Variants in CTNNBL1 observed in about 807,000 individuals in gnomAD.
CTNNBL1 encodes beta-catenin-like protein 1.
In CTNNBL1, 31 loss-of-function variants were observed where a neutral mutation model predicts 72.7. The observed-to-expected ratio is 0.43, with a 90% CI of 0.32 to 0.58. CTNNBL1 has a LOEUF of 0.58. Ranked by LOEUF, CTNNBL1 falls within the 20% of genes least tolerant of loss-of-function variation. The probability of loss-of-function intolerance (pLI) is 0.08; values close to 1 mark genes in which losing one functional copy is unlikely to be tolerated. For synonymous variants in CTNNBL1, 240 were observed against 267.3 expected (o/e 0.90, Z 1.00); for missense variants, 534 against 725.1 (o/e 0.74, Z 3.03).
chr20:37,718,946 C>T (rs1386251924), intron 1 of CTNNBL1, among the ~76,000 whole-genome samples: 3 of 152,134 alleles, frequency 2.0e-5, no homozygotes, highest in Admixed American at 2.0e-4. Flanking sequence ...GATTCCAGGC[C>T]CAGTTCTATG....
chr20:37,770,128 C>T (rs1016706970), intron 7 of CTNNBL1, among the ~76,000 whole-genome samples: 1 of 152,336 alleles, frequency 6.6e-6, no homozygotes, highest in East Asian at 1.9e-4. Flanking sequence ...AGTCTTGCAT[C>T]CAGCAAGTAG....
At chr20:37,858,917 G>A (rs2072465901) in intron 13 of CTNNBL1, among the ~76,000 whole-genome samples, 1 of 152,112 alleles carries the variant, frequency 6.6e-6, no homozygotes, top group African/African-American at 2.4e-5. Context: ...ATGTACGCAA[G>A]TTGGGTGCCT....
intron 10 of CTNNBL1, among the ~76,000 whole-genome samples, chr20:37,800,424 A>G (rs1207037218): frequency 6.6e-6 from 1 of 151,824 alleles, no homozygotes; most frequent in Non-Finnish European, 1.5e-5. Flanking sequence ...CTGCCCTACC[A>G]CTGCTCTCTG....
At chr20:37,814,457 C>T (rs2072037394) in intron 11 of CTNNBL1, among the ~76,000 whole-genome samples, 1 of 152,176 alleles carries the variant, frequency 6.6e-6, no homozygotes, top group African/African-American at 2.4e-5. Context: ...CCCAGCACTG[C>T]TCAACCTTCA....
At chr20:37,750,499 T>G (rs2073309298) in intron 4 of CTNNBL1, 1 of 152,228 alleles carries the variant, frequency 6.6e-6, no homozygotes, top group Non-Finnish European at 1.5e-5. Flanking sequence ...TTAGAGTGTT[T>G]CTATGGAAAA....
rs567526993 is a variant in CTNNBL1, at chr20:37,784,569, CT to C, written c.1031+5236del. On this transcript the variant is annotated intron_variant, in intron 10 of 15. Transcript: ENST00000361383. ...CCCATTATTTTAAACTGATGACAGG[CT>C]TAACACTGATTGCAGAAACAAACTG... Among the ~76,000 whole-genome samples the C allele has an allele frequency of 9.9e-5, 15 of 152,258 alleles. No homozygotes were observed. In the East Asian group the frequency reaches 2.9e-3, roughly 29 times the overall value.
intron 7 of CTNNBL1, among the ~76,000 whole-genome samples, chr20:37,769,717 G>A (rs1441327492): frequency 1.3e-5 from 2 of 152,156 alleles, no homozygotes; most frequent in Non-Finnish European, 2.9e-5. Context: ...TGGCCCTCAG[G>A]CAGGCAAGGA....
At chr20:37,839,049 C>T (rs757885905) in intron 11 of CTNNBL1, among the ~76,000 whole-genome samples, 2 of 151,926 alleles carry the variant, frequency 1.3e-5, no homozygotes, top group African/African-American at 4.8e-5. Flanking sequence ...GGACAAGATG[C>T]GATTACCAGG....
intron 11 of CTNNBL1, among the ~76,000 whole-genome samples, chr20:37,820,455 T>C (rs929294651): frequency 6.6e-6 from 1 of 152,176 alleles, no homozygotes; most frequent in Non-Finnish European, 1.5e-5. Context: ...TATCCTATGC[T>C]CCTTCCAGTG....
chr20:37,740,558 G>A (rs2073207235), intron 3 of CTNNBL1, among the ~76,000 whole-genome samples: 2 of 152,106 alleles, frequency 1.3e-5, no homozygotes, highest in Admixed American at 6.5e-5. Flanking sequence ...TCCTTTAATA[G>A]TTCTTCTCTT....
At chr20:37,747,708 G>A (rs1400563780) in intron 4 of CTNNBL1, among the ~76,000 whole-genome samples, 1 of 152,086 alleles carries the variant, frequency 6.6e-6, no homozygotes, top group Non-Finnish European at 1.5e-5. Context: ...CTCCTGAGGA[G>A]GGACTACAGG....
chr20:37,806,716 GTA>G (rs1160065576), intron 11 of CTNNBL1, among the ~76,000 whole-genome samples: 1 of 152,194 alleles, frequency 6.6e-6, no homozygotes. Context: ...CAAAGTTTGT[GTA>G]TAGTCTCTCT....
rs552378822 is a variant in CTNNBL1, at chr20:37,788,892, A to G, written c.1031+9557A>G. ...TCTCTCCTCTAGTTTTCCCTGTCAC[A>G]CAGGTGACTTTTCTCCATTCCTGTG... On this transcript the variant is annotated intron_variant, in intron 10 of 15. Coordinates refer to ENST00000361383, the MANE Select transcript of CTNNBL1 (RefSeq NM_030877.5). Among the ~76,000 whole-genome samples the G allele has an allele frequency of 9.2e-5, 14 of 152,246 alleles. No homozygotes were observed. The South Asian group carries it at 2.7e-3, about 29-fold the overall frequency.
At chr20:37,779,013 A>G (rs1428564106) in intron 9 of CTNNBL1, among the ~76,000 whole-genome samples, 174 bp from the exon 10 acceptor site, 2 of 151,730 alleles carry the variant, frequency 1.3e-5, no homozygotes, top group African/African-American at 2.4e-5. Context: ...TGTATTTAAT[A>G]TATGTGAATC....
intron 1 of CTNNBL1, among the ~76,000 whole-genome samples, chr20:37,727,914 C>T (rs1448618822): frequency 1.3e-5 from 2 of 152,354 alleles, no homozygotes; most frequent in Middle Eastern, 3.4e-3. Flanking sequence ...GTCACTCTCT[C>T]AGTGGTGACT....
chr20:37,716,787 C>T (rs1013428426), intron 1 of CTNNBL1, among the ~76,000 whole-genome samples: 5 of 152,060 alleles, frequency 3.3e-5, no homozygotes, highest in African/African-American at 1.2e-4. Flanking sequence ...AAAGTATTGC[C>T]CATAATGTTG....
chr20:37,858,327 CAG>C (rs1339321149), intron 13 of CTNNBL1, among the ~76,000 whole-genome samples: 1 of 152,192 alleles, frequency 6.6e-6, no homozygotes, highest in Non-Finnish European at 1.5e-5. Flanking sequence ...AGGCTGCAGA[CAG>C]AGATAGCTGG....
intron 4 of CTNNBL1, among the ~76,000 whole-genome samples, chr20:37,754,046 C>G (rs2073343415): frequency 1.3e-5 from 2 of 152,158 alleles, no homozygotes; most frequent in South Asian, 2.1e-4. Flanking sequence ...TGACATGACC[C>G]TTGTCCTCAA....
chr20:37,867,011 A>G (rs1398330018), intron 15 of CTNNBL1, among the ~76,000 whole-genome samples: 1 of 152,168 alleles, frequency 6.6e-6, no homozygotes, highest in African/African-American at 2.4e-5. Context: ...GAACATGACC[A>G]TTGGCATTGT....
Sources: allele counts gnomAD v4.1 joint callset (sites outside exome capture counted in the v4.1 genomes callset), GRCh38; gene constraint gnomAD v4.1.1; transcripts MANE v1.5; gene names NCBI Gene and HGNC (gene_info 2026-07-23, HGNC 2026-07-21).